UBE2K: variants seen among roughly 807,000 people sequenced by gnomAD.
UBE2K encodes ubiquitin conjugating enzyme E2 K, also known as ubiquitin-conjugating enzyme E2 K.
UBE2K carries 6 observed loss-of-function variants against 30.0 expected under a neutral mutation model. The observed-to-expected ratio is 0.20, with a 90% CI of 0.11 to 0.39. The LOEUF is 0.39. Ranked by LOEUF, UBE2K falls within the 10% of genes least tolerant of loss-of-function variation. UBE2K has a pLI of 1.00. For missense variants in UBE2K, 61 were observed against 241.6 expected (o/e 0.25, Z 4.96); for synonymous variants, 86 against 83.7 (o/e 1.03, Z -0.15).
At chr4:39,715,175 G>A (rs1159980133) in intron 1 of UBE2K, among the ~76,000 whole-genome samples, 3 of 151,660 alleles carry the variant, frequency 2.0e-5, no homozygotes, top group African/African-American at 4.8e-5. Context: ...ACAGGCGCCC[G>A]CCACCACGCC....
At chr4:39,702,231 C>CTTTTCTTTTTTTTTTTTTTTTTT (rs1718062050) in intron 1 of UBE2K, among the ~76,000 whole-genome samples, 1 of 67,382 alleles carries the variant, frequency 1.5e-5, no homozygotes, top group Non-Finnish European at 2.7e-5. Flanking sequence ...CTTTTCTTTT[C>CTTTTCTTTTTTTTTTTTTTTTTT]TTTTTTTTTT....
At chr4:39,751,326 T>A (rs1721241293) in intron 3 of UBE2K, among the ~76,000 whole-genome samples, 1 of 152,196 alleles carries the variant, frequency 6.6e-6, no homozygotes, top group South Asian at 2.1e-4. Context: ...TCTTGGCTTT[T>A]TTCCTATGTA....
At chr4:39,725,560 G>A (rs10001359) in intron 1 of UBE2K, among the ~76,000 whole-genome samples, 4 of 152,088 alleles carry the variant, frequency 2.6e-5, no homozygotes, top group Non-Finnish European at 4.4e-5. Context: ...CCTTGGGTCA[G>A]TTAGCTCTGA....
chr4:39,711,521 T>C (rs1718681493), intron 1 of UBE2K, among the ~76,000 whole-genome samples: 1 of 151,960 alleles, frequency 6.6e-6, no homozygotes, highest in African/African-American at 2.4e-5. Context: ...ATACAGACTA[T>C]ATTGTATTCC....
intron 1 of UBE2K, chr4:39,714,550 A>ATATATTTTTTT: frequency 1.7e-4 from 3 of 17,850 alleles, no homozygotes; most frequent in East Asian, 3.6e-3. Context: ...ATATATATAT[A>ATATATTTTTTT]TTTTTTTTTT....
rs1355000696 is a variant in UBE2K, at chr4:39,778,578, A to C, written c.*144A>C. ...TCTAGGCACCATTGGAGACTGAAAA[A>C]AAAAAATCCCTGCTCTGTAAATAAA... On this transcript the variant is annotated 3_prime_UTR_variant, in exon 7 of 7. Coordinates refer to ENST00000261427, the MANE Select transcript of UBE2K (RefSeq NM_005339.5). The C allele has an allele frequency of 9.9e-6, 5 of 502,582 alleles. No homozygotes were observed. The highest frequency in any genetic ancestry group is 5.9e-4 in the Middle Eastern group (2 of 3,400). 31.1% of individuals were successfully genotyped at this position (502,582 alleles called of 1,614,324 possible). A position where few individuals can be genotyped will look rare whatever the true frequency, so the allele number is the denominator to read the frequency against.
rs147174062 is a variant in UBE2K, at chr4:39,722,495, A to G, written c.64-14925A>G. Among the ~76,000 whole-genome samples the G allele has an allele frequency of 2.7e-3, 414 of 152,312 alleles. 1 individual carries two copies. Among genetic ancestry groups the G allele is most frequent in the Middle Eastern group, 0.017 (5 of 294 alleles). ...TTTATGCTCTTTGCAATTAGCAAGT[A>G]AAGGATGGATTACTTCTTTGGCATC... On this transcript the variant is annotated intron_variant, in intron 1 of 6. Coordinates refer to ENST00000261427, the MANE Select transcript of UBE2K (RefSeq NM_005339.5).
At chr4:39,770,613 C>T in intron 4 of UBE2K, 3 of 1,592,692 alleles carry the variant, frequency 1.9e-6, no homozygotes, top group South Asian at 2.2e-5. Context: ...CAACAGCAGG[C>T]TCTCCCCTTC....
chr4:39,731,181 C>T (rs775927738), intron 1 of UBE2K, among the ~76,000 whole-genome samples: 3 of 151,986 alleles, frequency 2.0e-5, no homozygotes, highest in Non-Finnish European at 4.4e-5. Context: ...GCATGAGCCA[C>T]GGCGCCCGGC....
At chr4:39,765,867 G>C (rs148617934) in intron 4 of UBE2K, among the ~76,000 whole-genome samples, 1 of 152,012 alleles carries the variant, frequency 6.6e-6, no homozygotes, top group Non-Finnish European at 1.5e-5. Context: ...CAGCACTTTG[G>C]GAGGCCGAGG....
chr4:39,718,851 C>A (rs184131026), intron 1 of UBE2K, among the ~76,000 whole-genome samples: 1 of 152,262 alleles, frequency 6.6e-6, no homozygotes, highest in Non-Finnish European at 1.5e-5. Context: ...CTGCAAACGC[C>A]GTGCGCAGCC....
At chr4:39,766,105 A>C (rs1712316319) in intron 4 of UBE2K, among the ~76,000 whole-genome samples, 1 of 152,014 alleles carries the variant, frequency 6.6e-6, no homozygotes, top group Non-Finnish European at 1.5e-5. Context: ...GTTCTTTTGG[A>C]TGTATACCCA....
chr4:39,761,947 G>T (rs59662067), intron 4 of UBE2K, among the ~76,000 whole-genome samples: 16,747 of 151,714 alleles, frequency 0.11, 1,129 homozygotes, highest in East Asian at 0.21. Context: ...AGGCCGAGGT[G>T]GGTGGATCAC....
chr4:39,752,336 T>C (rs7437985), intron 3 of UBE2K, among the ~76,000 whole-genome samples: 7 of 9,770 alleles, frequency 7.2e-4, no homozygotes, highest in Admixed American at 1.4e-3. Flanking sequence ...TTTTTTTTTC[T>C]TTTTTTTTTT....
In UBE2K at chr4:39,718,960, G is replaced by A. The variant is rs141983306; in HGVS notation, c.64-18460G>A. Reference sequence around the variant, plus strand: ...CAGGAAGGGGCTCCCACAGTGCAGCGGTGGGCTGAAGGGCTCCTCAAGTGT... The same window carrying A: ...CAGGAAGGGGCTCCCACAGTGCAGCAGTGGGCTGAAGGGCTCCTCAAGTGT... On this transcript the variant is annotated intron_variant, in intron 1 of 6. Coordinates refer to ENST00000261427, the MANE Select transcript of UBE2K (RefSeq NM_005339.5). Among the ~76,000 whole-genome samples, 1,160 of 152,376 alleles carry A rather than the reference G, an allele frequency of 7.6e-3. 16 individuals carry two copies. The highest frequency in any genetic ancestry group is 0.026 in the African/African-American group (1,088 of 41,594).
chr4:39,730,961 C>T (rs1279911679), intron 1 of UBE2K, among the ~76,000 whole-genome samples: 1 of 151,770 alleles, frequency 6.6e-6, no homozygotes, highest in Non-Finnish European at 1.5e-5. Flanking sequence ...CAGGAGTGTG[C>T]CACTATGTCC....
At chr4:39,744,275 C>A (rs988963912) in intron 2 of UBE2K, among the ~76,000 whole-genome samples, 8 of 152,074 alleles carry the variant, frequency 5.3e-5, no homozygotes, top group African/African-American at 1.9e-4. Context: ...CAGGTTCACG[C>A]CATTCTTCTG....
intron 2 of UBE2K, 55 bp downstream of exon 2, chr4:39,737,568 A>G (rs1271124291): frequency 9.7e-6 from 11 of 1,129,350 alleles, no homozygotes; most frequent in Middle Eastern, 2.0e-4. Context: ...TGTCTGAAAC[A>G]TTTAATCAGA....
At chr4:39,698,495 G>A (rs1717821632) in intron 1 of UBE2K, 105 bp downstream of exon 1, 1 of 1,069,916 alleles carries the variant, frequency 9.3e-7, no homozygotes, top group Non-Finnish European at 1.4e-6. Context: ...TCCTCCTTGC[G>A]GCCGCCCTTC....
Sources: gnomAD v4.1 joint callset for allele counts (sites outside exome capture counted in the v4.1 genomes callset) on GRCh38, gnomAD v4.1.1 for gene constraint, MANE v1.5 for transcripts, NCBI Gene and HGNC (gene_info 2026-07-23, HGNC 2026-07-21) for gene names.